Variants in HIVEP3 observed in about 807,000 individuals in gnomAD.
The protein encoded by HIVEP3 is HIVEP zinc finger 3, also known as transcription factor HIVEP3.
A neutral mutation model predicts 152.8 loss-of-function variants in HIVEP3; 49 were observed. That is an observed-to-expected ratio of 0.32 (90% CI 0.26 to 0.41). HIVEP3 has a LOEUF of 0.41. Among genes scored for constraint, HIVEP3 ranks in the 10% least tolerant of loss-of-function variants. The pLI, the probability that HIVEP3 is intolerant of heterozygous loss-of-function variation, is 1.00. For missense variants in HIVEP3, 2,790 were observed against 3,103.3 expected (o/e 0.90, Z 2.40); for synonymous variants, 1,269 against 1,289.0 (o/e 0.98, Z 0.33).
At position 41,789,937 on chromosome 1, in the gene HIVEP3, C is replaced by G. The variant is rs115837477; in HGVS notation, c.-800-88942G>C. On this transcript the variant is annotated intron_variant, in intron 1 of 8. Transcript: ENST00000372583. ...TATGCATAGACAGCTTGTCATCAGACAGGATCACACGTAACACCCAGGTCA... is the reference window on the plus strand; with the variant it reads ...TATGCATAGACAGCTTGTCATCAGAGAGGATCACACGTAACACCCAGGTCA... Among the ~76,000 whole-genome samples, 185 of 152,318 alleles carry G rather than the reference C, an allele frequency of 1.2e-3. 1 individual carries two copies. Among genetic ancestry groups the G allele is most frequent in the African/African-American group, 4.4e-3 (183 of 41,558 alleles).
At chr1:41,790,214 A>C (rs1649610146) in intron 1 of HIVEP3, among the ~76,000 whole-genome samples, 1 of 152,068 alleles carries the variant, frequency 6.6e-6, no homozygotes, top group African/African-American at 2.4e-5. Flanking sequence ...ATCCCTCATG[A>C]ATGGCTTGGT....
At chr1:41,640,559 G>A (rs10736421) in intron 2 of HIVEP3, among the ~76,000 whole-genome samples, 109,112 of 152,090 alleles carry the variant, frequency 0.72, 39,637 homozygotes, top group East Asian at 0.98. Context: ...CCTTGTCCAT[G>A]TCTCAGGCTG....
intron 1 of HIVEP3, among the ~76,000 whole-genome samples, chr1:41,878,334 AG>A (rs1644203510): frequency 6.6e-6 from 1 of 152,214 alleles, no homozygotes; most frequent in African/African-American, 2.4e-5. Flanking sequence ...CTATTCTGCA[AG>A]GGTTCATCTT....
chr1:41,510,621 G>A lies in HIVEP3; in HGVS notation c.7051C>T (p.Arg2351Cys), dbSNP rs201379015. ...PEPSATPPLD[R>C]SSSVGCLAEA... Reference sequence around the variant, plus strand: ...GCCAGGCAGCCCACAGAGCTGCTGCGGTCCAGCGGCGGGGTGGCAGAAGGC... The same window carrying A: ...GCCAGGCAGCCCACAGAGCTGCTGCAGTCCAGCGGCGGGGTGGCAGAAGGC... The change falls in exon 9 of 9, where the codon CGC (arginine) becomes TGC (cysteine). Residue 2351 changes from arginine to cysteine, a missense_variant. This residue lies in a region of HIVEP3 where 816 missense variants were observed against 806.5 expected (regional missense o/e 1.01). Coordinates refer to ENST00000372583, the MANE Select transcript of HIVEP3 (RefSeq NM_024503.5). The A allele has an allele frequency of 1.6e-4, 245 of 1,550,126 alleles. No individual in the cohort carries two copies. The highest frequency in any genetic ancestry group is 7.7e-4 in the South Asian group (65 of 84,396).
chr1:41,768,627 G>T (rs1277199012), intron 1 of HIVEP3, among the ~76,000 whole-genome samples: 1 of 152,140 alleles, frequency 6.6e-6, no homozygotes, highest in Admixed American at 6.5e-5. Context: ...CCCTTGTTGG[G>T]GTGTGAAACC....
chr1:41,856,225 T>C (rs909862766), intron 1 of HIVEP3, among the ~76,000 whole-genome samples: 12 of 152,204 alleles, frequency 7.9e-5, no homozygotes, highest in African/African-American at 2.9e-4. Context: ...CCAAATAAAA[T>C]GCATCTGCAG....
chr1:41,792,048 C>T (rs1349616731), intron 1 of HIVEP3, among the ~76,000 whole-genome samples: 3 of 152,198 alleles, frequency 2.0e-5, no homozygotes, highest in Non-Finnish European at 1.5e-5. Context: ...GTGACCATTC[C>T]TCCCACTCCG....
intron 1 of HIVEP3, among the ~76,000 whole-genome samples, chr1:41,806,621 G>A (rs1014495648): frequency 3.9e-5 from 6 of 152,244 alleles, no homozygotes; most frequent in Admixed American, 1.3e-4. Context: ...GAGGGCCAGC[G>A]CAGGTGGCTC....
At chr1:41,994,432 G>T (rs924640496) in intron 1 of HIVEP3, among the ~76,000 whole-genome samples, 1 of 152,178 alleles carries the variant, frequency 6.6e-6, no homozygotes, top group South Asian at 2.1e-4. Context: ...AATTCCCAAT[G>T]TTGGGAAAGG....
chr1:41,562,834 C>G (rs10127462), intron 5 of HIVEP3, among the ~76,000 whole-genome samples: 3,563 of 152,180 alleles, frequency 0.023, 139 homozygotes, highest in African/African-American at 0.079. Flanking sequence ...CTCAAAGCCT[C>G]TGCAGGTTGG....
intron 1 of HIVEP3, among the ~76,000 whole-genome samples, chr1:41,924,971 C>T (rs917762965): frequency 6.6e-6 from 1 of 152,194 alleles, no homozygotes; most frequent in Non-Finnish European, 1.5e-5. Flanking sequence ...CCTTCCCTAA[C>T]TTGGTCACCT....
chr1:41,730,680 G>A (rs1646826492), intron 1 of HIVEP3, among the ~76,000 whole-genome samples: 1 of 152,242 alleles, frequency 6.6e-6, no homozygotes, highest in Admixed American at 6.5e-5. Context: ...CGGTGTGGGG[G>A]CCATCACAGG....
At chr1:41,798,896 T>A (rs1236889495) in intron 1 of HIVEP3, among the ~76,000 whole-genome samples, 1 of 152,204 alleles carries the variant, frequency 6.6e-6, no homozygotes, top group Admixed American at 6.5e-5. Flanking sequence ...ACTCTTGTAA[T>A]ATCATGTAGG....
intron 5 of HIVEP3, among the ~76,000 whole-genome samples, chr1:41,531,933 AG>A (rs1236681058): frequency 7.9e-6 from 1 of 126,602 alleles, no homozygotes; most frequent in Admixed American, 7.6e-5. Flanking sequence ...GGTAGAGGAC[AG>A]GGGAGATGGA....
chr1:41,516,181 G>GGCGGCCCCTTCCCAAGGCCCTTGCAGGA (rs11270500), intron 7 of HIVEP3, among the ~76,000 whole-genome samples: 1 of 151,538 alleles, frequency 6.6e-6, no homozygotes, highest in Non-Finnish European at 1.5e-5. Context: ...CCCCTGGCTG[G>GGCGGCCCCTTCCCAAGGCCCTTGCAGGA]GCGGCCCCGC....
intron 1 of HIVEP3, among the ~76,000 whole-genome samples, chr1:42,018,542 T>G (rs2124533776): frequency 6.6e-6 from 1 of 152,214 alleles, no homozygotes; most frequent in South Asian, 2.1e-4. Flanking sequence ...TAAAGATCTC[T>G]TTCTAAATTC....
intron 5 of HIVEP3, among the ~76,000 whole-genome samples, chr1:41,544,781 T>C (rs1643646951): frequency 1.0e-5 from 1 of 96,388 alleles, no homozygotes; most frequent in South Asian, 3.7e-4. Context: ...CCACTACCTC[T>C]ACCTCCACTG....
At position 41,511,407 on chromosome 1, in the gene HIVEP3, G is replaced by A. The variant is rs563038098; in HGVS notation, c.6406-141C>T. The A allele has an allele frequency of 3.8e-5, 29 of 755,190 alleles. No individual in the cohort carries two copies. In the African/African-American group the frequency reaches 4.8e-4, roughly 12 times the overall value. The allele number at this position is 755,190 out of a possible 1,614,324, so 46.8% of individuals were successfully genotyped here. ...CCGGCTGAGCTGAGCCCAGAACCAA[G>A]TTCCTGACTCCCTGCCCACAGATGC... On this transcript the variant is annotated intron_variant, in intron 8 of 8. Transcript: ENST00000372583. This position sits in a 1 kb window ranked among gnomAD's most constrained non-coding sequence, Gnocchi z 4.9.
intron 1 of HIVEP3, among the ~76,000 whole-genome samples, chr1:41,924,357 G>A (rs1375919962): frequency 6.6e-6 from 1 of 152,180 alleles, no homozygotes; most frequent in African/African-American, 2.4e-5. Context: ...AACTGAGTTT[G>A]TGGTCATTTG....
Sources: gnomAD v4.1 joint callset for allele counts (sites outside exome capture counted in the v4.1 genomes callset) on GRCh38, gnomAD v4.1.1 for gene constraint, gnomAD v4.1.1 regional missense constraint, Gnocchi (gnomAD v3.1) non-coding constraint, MANE v1.5 for transcripts, NCBI Gene and HGNC (gene_info 2026-07-23, HGNC 2026-07-21) for gene names.